The following ABCC10 variants were observed in gnomAD, a reference collection of about 807,000 sequenced individuals.
ABCC10 encodes the protein ATP binding cassette subfamily C member 10.
ABCC10 carries 110 observed loss-of-function variants against 143.2 expected under a neutral mutation model. That is an observed-to-expected ratio of 0.77 (90% CI 0.66 to 0.90). ABCC10 has a LOEUF of 0.90. Ranked by LOEUF, ABCC10 falls within the 40% of genes least tolerant of loss-of-function variation. ABCC10 has a pLI of 0.00. For synonymous variants in ABCC10, 805 were observed against 846.7 expected (o/e 0.95, Z 0.85); for missense variants, 1,700 against 1,900.5 (o/e 0.89, Z 1.96).
chr6:43,427,634 CT>C lies in ABCC10; in HGVS notation c.-122del, dbSNP rs79196551. The C allele has an allele frequency of 0.14, 41,755 of 304,354 alleles. 4 individuals carry two copies. Among genetic ancestry groups the C allele is most frequent in the South Asian group, 0.24 (7,497 of 31,850 alleles). 18.9% of individuals were successfully genotyped at this position (304,354 alleles called of 1,614,324 possible). A position where few individuals can be genotyped will look rare whatever the true frequency, so the allele number is the denominator to read the frequency against. ...GGCCCAGCACCCCGGCCGGGCAGTACTTTTTTTTTTTTTGCATACACCAGTT... is the reference window on the plus strand; with the variant it reads ...GGCCCAGCACCCCGGCCGGGCAGTACTTTTTTTTTTTTGCATACACCAGTT... On this transcript the variant is annotated 5_prime_UTR_variant, in exon 1 of 22. Coordinates refer to ENST00000372530, the MANE Select transcript of ABCC10 (RefSeq NM_001198934.2).
Position 43,434,826 on chromosome 6 carries a change from G to T in ABCC10, c.1586G>T (p.Gly529Val), listed in dbSNP as rs759259706. Residue 529 changes from glycine (G) to valine (V), a missense_variant, in exon 4 of 22, where the codon GGG becomes GTG. Physicochemically the swap from Gly to Val is moderately radical, Grantham distance 109. Coordinates refer to ENST00000372530, the MANE Select transcript of ABCC10 (RefSeq NM_001198934.2). The part of the protein sequence containing the change: ...IVIFITYVLM[G>V]HQLTATKVFT... ...ATCTTCATCACCTATGTCCTCATGG[G>T]GCACCAGCTCACTGCCACCAAGGTG... 6.2e-7 allele frequency: 1 copy of T among 1,613,964 alleles called. No homozygotes were observed. The highest frequency in any genetic ancestry group is 8.5e-7 in the Non-Finnish European group (1 of 1,180,000).
chr6:43,430,160 G>A (rs899037686), intron 2 of ABCC10, among the ~76,000 whole-genome samples: 3 of 150,638 alleles, frequency 2.0e-5, no homozygotes, highest in East Asian at 2.0e-4. Flanking sequence ...GCACGATCTC[G>A]GCCCACTGCA....
chr6:43,434,926 T>G, intron 4 of ABCC10, 78 bp downstream of exon 4: 1 of 1,465,110 alleles, frequency 6.8e-7, no homozygotes, highest in Non-Finnish European at 9.4e-7. Context: ...CCCTCAGTGC[T>G]GGCTGAGAAG....
At position 43,447,966 on chromosome 6, in the gene ABCC10, AG is replaced by A. The variant is rs1783298197; in HGVS notation, c.3959+34del. ...TGGGGGAGATGGACTTGGGAGGGGA[AG>A]GGGGAACCAGAACTACTGGCACTTA... On this transcript the variant is annotated intron_variant, in intron 18 of 21. Coordinates refer to ENST00000372530, the MANE Select transcript of ABCC10 (RefSeq NM_001198934.2). The A allele has an allele frequency of 4.4e-6, 7 of 1,607,918 alleles. No individual in the cohort carries two copies. In the East Asian group the frequency reaches 1.6e-4, roughly 36 times the overall value.
chr6:43,446,734 C>T, intron 16 of ABCC10: 1 of 1,260,076 alleles, frequency 7.9e-7, no homozygotes, highest in Non-Finnish European at 1.0e-6. Context: ...CAGCCCGCTT[C>T]AGTCTCCCAC....
chr6:43,429,204 G>T (rs1013853258), intron 2 of ABCC10, among the ~76,000 whole-genome samples: 1 of 149,790 alleles, frequency 6.7e-6, no homozygotes, highest in Admixed American at 6.7e-5. Context: ...AGGAAAGTGA[G>T]ATTCAGAGAG....
intron 9 of ABCC10, chr6:43,442,192 C>T (rs924087628): frequency 1.4e-5 from 5 of 345,694 alleles, no homozygotes; most frequent in Non-Finnish European, 2.2e-5. Context: ...GGTCTGTAAT[C>T]CCAGCACTTT....
At chr6:43,438,506 T>C in intron 7 of ABCC10, 118 bp from the exon 8 acceptor site, 2 of 1,469,144 alleles carry the variant, frequency 1.4e-6, no homozygotes, top group Non-Finnish European at 1.8e-6. Context: ...TCATGTGACA[T>C]GAAGGGGGAC....
Position 43,446,340 on chromosome 6 carries a change from C to T in ABCC10, c.3438C>T (p.Ala1146=), listed in dbSNP as rs894614398. The T allele has an allele frequency of 1.9e-6, 3 of 1,613,824 alleles. No individual in the cohort carries two copies. In the African/African-American group the frequency reaches 4.0e-5, roughly 22 times the overall value. Residue 1146 remains alanine (A), a synonymous_variant, in exon 16 of 22, where the codon GCC becomes GCT. Coordinates refer to ENST00000372530, the MANE Select transcript of ABCC10 (RefSeq NM_001198934.2). The part of the protein sequence containing the change: ...LNQRCQFATS[A]TMQWLDIRLQ... ...AGAGGTGCCAGTTTGCCACCAGTGC[C>T]ACAATGCAGTGGCTGGACATTCGGC... is the stretch of plus-strand genomic sequence containing the variant.
intron 2 of ABCC10, 78 bp downstream of exon 2, chr6:43,428,217 T>C: frequency 7.1e-7 from 1 of 1,409,140 alleles, no homozygotes; most frequent in East Asian, 2.5e-5. Flanking sequence ...TCCGGCAGTG[T>C]CACCAGAATA....
At chr6:43,450,535 T>G, downstream of ABCC10, 1 of 1,539,546 alleles carries the variant, frequency 6.5e-7, no homozygotes, top group Non-Finnish European at 8.8e-7. This position sits in a 1 kb window ranked among gnomAD's most constrained non-coding sequence, Gnocchi z 4.5. Context: ...AGCCCCCACC[T>G]CCATCACAGT....
rs1356615880 is a variant in ABCC10, at chr6:43,445,764, T to A, written c.3196T>A (p.Trp1066Arg). 6.2e-7 allele frequency: 1 copy of A among 1,614,160 alleles called. No homozygotes were observed. Among genetic ancestry groups the A allele is most frequent in the Admixed American group, 1.7e-5 (1 of 60,024 alleles). Residue 1066 changes from tryptophan to arginine, a missense_variant, in exon 15 of 22, where the codon TGG becomes AGG. Transcript: ENST00000372530. ...LLAVLGSGLP[W>R]LLLLLPPLSI... ...GGCCGTGCTGGGCTCTGGCCTGCCC[T>A]GGCTGCTGCTCCTGCTGCCGCCTTT...
intron 1 of ABCC10, 69 bp from the exon 2 acceptor site, chr6:43,427,899 C>T (rs753951985): frequency 1.3e-5 from 21 of 1,567,878 alleles, no homozygotes; most frequent in Non-Finnish European, 1.8e-5. Flanking sequence ...GACAGGGAGA[C>T]CCGGCTGGGA....
At position 43,427,766 on chromosome 6, in the gene ABCC10, C is replaced by G. The variant is rs1780657806; in HGVS notation, c.-12+9C>G. ...GAAAAACAGATGGCAAGGTGGGTGA[C>G]CAGCGTCCAGAAATCCACTGGGGAA... is the stretch of plus-strand genomic sequence containing the variant. On this transcript the variant is annotated intron_variant, in intron 1 of 21. Coordinates refer to ENST00000372530, the MANE Select transcript of ABCC10 (RefSeq NM_001198934.2). 9 of 616,250 alleles carry G rather than the reference C, an allele frequency of 1.5e-5. No individual in the cohort carries two copies. In the South Asian group the frequency reaches 1.7e-4, roughly 12 times the overall value. The allele number at this position is 616,250 out of a possible 1,614,324, so 38.2% of individuals were successfully genotyped here.
chr6:43,438,085 G>A (rs763555344), intron 7 of ABCC10, 72 bp downstream of exon 7: 1 of 1,505,448 alleles, frequency 6.6e-7, no homozygotes, highest in Non-Finnish European at 9.1e-7. Flanking sequence ...TTATGTGTTG[G>A]ACACCTTTTG....
At position 43,445,822 on chromosome 6, in the gene ABCC10, A is replaced by G. The variant is rs1316807866; in HGVS notation, c.3254A>G (p.Tyr1085Cys). 6.2e-7 allele frequency: 1 copy of G among 1,614,100 alleles called. No individual in the cohort carries two copies. Among genetic ancestry groups the G allele is most frequent in the Non-Finnish European group, 8.5e-7 (1 of 1,180,018 alleles). The change falls in exon 15 of 22, where the codon TAC becomes TGC. Residue 1085 changes from tyrosine (Y) to cysteine (C), a missense_variant. Tyr to Cys is a radical substitution (Grantham distance 194). Transcript: ENST00000372530. Reference sequence around the variant, plus strand: ...ATGTACTATCACGTGCAGCGCCACTACAGGGCCTCCTCACGGGAGCTGCGG... The same window carrying G: ...ATGTACTATCACGTGCAGCGCCACTGCAGGGCCTCCTCACGGGAGCTGCGG... ...SIMYYHVQRHYRASSRELRRL... is the reference protein window; with the variant it reads ...SIMYYHVQRHCRASSRELRRL...
rs377085329 is a variant in ABCC10, at chr6:43,440,678, A to G, written c.2128-1184A>G. ...GGAGTTCGAGACCAGCCTGGCCAAC[A>G]TGGTGAAACCCCATCTCTACTAAAA... On this transcript the variant is annotated intron_variant, in intron 8 of 21. Coordinates refer to ENST00000372530, the MANE Select transcript of ABCC10 (RefSeq NM_001198934.2). Among the ~76,000 whole-genome samples the G allele has an allele frequency of 3.2e-3, 485 of 152,132 alleles. 4 individuals are homozygous for G. Among genetic ancestry groups the G allele is most frequent in the African/African-American group, 0.011 (454 of 41,514 alleles).
Position 43,436,122 on chromosome 6 carries a change from T to G in ABCC10, c.1766-16T>G. Reference sequence around the variant, plus strand: ...TGGTAGATTAGGAGCCCAAATCAAGTGGCTTCTCTGTTCAGATCCCCCTGC... The same window carrying G: ...TGGTAGATTAGGAGCCCAAATCAAGGGGCTTCTCTGTTCAGATCCCCCTGC... On this transcript the variant is annotated splice_polypyrimidine_tract_variant and intron_variant, in intron 5 of 21. Transcript: ENST00000372530. 2 of 1,614,150 alleles carry G rather than the reference T, an allele frequency of 1.2e-6. No homozygotes were observed. Among genetic ancestry groups the G allele is most frequent in the East Asian group, 2.2e-5 (1 of 44,882 alleles).
chr6:43,429,360 TTCTTTTCTTTC>T (rs1424949486), intron 2 of ABCC10, among the ~76,000 whole-genome samples: 28 of 145,492 alleles, frequency 1.9e-4, no homozygotes, highest in African/African-American at 5.7e-4. Context: ...TTTTCTTTCT[TTCTTTTCTTTC>T]TTGTGTGTGT....
Sources: gnomAD v4.1 joint callset for allele counts (sites outside exome capture counted in the v4.1 genomes callset) on GRCh38, gnomAD v4.1.1 for gene constraint, Gnocchi (gnomAD v3.1) non-coding constraint, MANE v1.5 for transcripts, NCBI Gene and HGNC (gene_info 2026-07-23, HGNC 2026-07-21) for gene names.